The following BTBD7 variants were observed in gnomAD, a reference collection of about 807,000 sequenced individuals.
The protein encoded by BTBD7 is BTB domain containing 7.
In BTBD7, 38 loss-of-function variants were observed where a neutral mutation model predicts 99.9. The ratio of observed to expected loss-of-function variants is 0.38; its 90% CI spans 0.29 to 0.50. The LOEUF (loss-of-function observed/expected upper bound fraction) is 0.50. Among genes scored for constraint, BTBD7 ranks in the 20% least tolerant of loss-of-function variants. The probability of loss-of-function intolerance (pLI) is 0.93; values close to 1 mark genes in which losing one functional copy is unlikely to be tolerated. For missense variants in BTBD7, 1,170 were observed against 1,394.6 expected (o/e 0.84, Z 2.57); for synonymous variants, 520 against 511.4 (o/e 1.02, Z -0.23).
intron 1 of BTBD7, among the ~76,000 whole-genome samples, chr14:93,316,451 G>T (rs1351204458): frequency 1.3e-5 from 2 of 151,960 alleles, no homozygotes; most frequent in Non-Finnish European, 2.9e-5. Flanking sequence ...GTCTTGGTGT[G>T]TTATAAAGGT....
At chr14:93,331,513 C>T (rs2053408707) in intron 1 of BTBD7, among the ~76,000 whole-genome samples, 1 of 152,212 alleles carries the variant, frequency 6.6e-6, no homozygotes, top group Non-Finnish European at 1.5e-5. Flanking sequence ...TCAAGTCTTT[C>T]TTCCACATTT....
chr14:93,290,406 G>T (rs2052835130), intron 3 of BTBD7, among the ~76,000 whole-genome samples: 1 of 150,336 alleles, frequency 6.7e-6, no homozygotes, highest in Non-Finnish European at 1.5e-5. Context: ...TAGAGACGGG[G>T]TTTCACCCTG....
chr14:93,304,828 T>A (rs1223171067), intron 1 of BTBD7, among the ~76,000 whole-genome samples: 1 of 152,202 alleles, frequency 6.6e-6, no homozygotes, highest in East Asian at 1.9e-4. Flanking sequence ...AGGGTATACT[T>A]CTTATTGATA....
chr14:93,263,876 C>A lies in BTBD7; in HGVS notation c.1280G>T (p.Cys427Phe). 1.2e-6 allele frequency: 2 copies of A among 1,614,106 alleles called. No homozygotes were observed. The highest frequency in any genetic ancestry group is 1.7e-6 in the Non-Finnish European group (2 of 1,179,986). The change falls in exon 4 of 11, where the codon TGT (cysteine) becomes TTT (phenylalanine). Residue 427 changes from cysteine to phenylalanine, a missense_variant. Coordinates refer to ENST00000334746, the MANE Select transcript of BTBD7 (RefSeq NM_001002860.4). Reference protein sequence around the residue: ...WVHRQALHFLCEEFSQVMTSD... With the variant: ...WVHRQALHFLFEEFSQVMTSD... ...AGTCATGACCTGGGAAAATTCCTCACAGAGGAAATGTAAAGCTTGTCGGTG... is the reference window on the plus strand; with the variant it reads ...AGTCATGACCTGGGAAAATTCCTCAAAGAGGAAATGTAAAGCTTGTCGGTG...
chr14:93,326,511 A>C (rs955008586), intron 1 of BTBD7, among the ~76,000 whole-genome samples: 1 of 151,848 alleles, frequency 6.6e-6, no homozygotes, highest in Non-Finnish European at 1.5e-5. Context: ...TCACCCAAAA[A>C]GAAAACTGGG....
rs1351395253 is a variant in BTBD7 at position 93,242,138 on chromosome 14, A to G, written c.*135T>C. On this transcript the variant is annotated 3_prime_UTR_variant, in exon 11 of 11. Coordinates refer to ENST00000334746, the MANE Select transcript of BTBD7 (RefSeq NM_001002860.4). ...CATGCCATGTCTAATAAACACATAT[A>G]TACACAAAAACTAGAACAAAATCAT... is the stretch of plus-strand genomic sequence containing the variant. The G allele has an allele frequency of 5.1e-6, 4 of 779,856 alleles. No homozygotes were observed. The highest frequency in any genetic ancestry group is 6.1e-6 in the Non-Finnish European group (3 of 491,174). The allele number at this position is 779,856 out of a possible 1,614,324, so 48.3% of individuals were successfully genotyped here. A position where few individuals can be genotyped will look rare whatever the true frequency, so the allele number is the denominator to read the frequency against.
chr14:93,286,456 C>T (rs1434333340), intron 3 of BTBD7, among the ~76,000 whole-genome samples: 2 of 152,168 alleles, frequency 1.3e-5, no homozygotes, highest in African/African-American at 2.4e-5. Context: ...TTTAAACCTC[C>T]TAGCTGAGCC....
At chr14:93,321,454 G>T (rs564180070) in intron 1 of BTBD7, among the ~76,000 whole-genome samples, 1 of 152,142 alleles carries the variant, frequency 6.6e-6, no homozygotes, top group Admixed American at 6.6e-5. Context: ...TTAGCTGGAC[G>T]TGGTGGTGCG....
Position 93,296,101 on chromosome 14 carries a change from C to G in BTBD7, c.-50G>C, listed in dbSNP as rs1369422569. On this transcript the variant is annotated 5_prime_UTR_variant, in exon 2 of 11. Coordinates refer to ENST00000334746, the MANE Select transcript of BTBD7 (RefSeq NM_001002860.4). ...GTCTGCGGGTTCTTCAGAGTATAAT[C>G]CCAGAGGCCTTTATGAACCTTCAAC... is the stretch of plus-strand genomic sequence containing the variant. 1 of 1,590,834 alleles carries G rather than the reference C, an allele frequency of 6.3e-7. No homozygotes were observed. The highest frequency in any genetic ancestry group is 2.3e-5 in the East Asian group (1 of 44,184).
At chr14:93,270,060 A>C (rs941302398) in intron 3 of BTBD7, among the ~76,000 whole-genome samples, 4 of 152,208 alleles carry the variant, frequency 2.6e-5, no homozygotes, top group Non-Finnish European at 4.4e-5. Context: ...ACGGTTGACT[A>C]ATAAACCAGT....
chr14:93,256,782 A>T (rs769200227), intron 6 of BTBD7: 10 of 157,756 alleles, frequency 6.3e-5, no homozygotes, highest in Non-Finnish European at 1.4e-4. Flanking sequence ...GATGAGCTCT[A>T]TTAATTTTCA....
At chr14:93,320,202 G>C (rs2053254290) in intron 1 of BTBD7, among the ~76,000 whole-genome samples, 1 of 152,196 alleles carries the variant, frequency 6.6e-6, no homozygotes, top group African/African-American at 2.4e-5. Context: ...AAACAAATGA[G>C]TAAGTGGACA....
At chr14:93,289,353 T>A (rs1238389908) in intron 3 of BTBD7, among the ~76,000 whole-genome samples, 1 of 152,258 alleles carries the variant, frequency 6.6e-6, no homozygotes, top group Non-Finnish European at 1.5e-5. Flanking sequence ...GTATTCAGAC[T>A]TAAAATCAAC....
At chr14:93,316,286 GAC>G (rs2053205998) in intron 1 of BTBD7, among the ~76,000 whole-genome samples, 1 of 149,122 alleles carries the variant, frequency 6.7e-6, no homozygotes, top group African/African-American at 2.5e-5. Context: ...AAAAAATAGA[GAC>G]AGTCTCACTC....
chr14:93,279,999 C>A (rs2052700927), intron 3 of BTBD7, among the ~76,000 whole-genome samples: 1 of 152,156 alleles, frequency 6.6e-6, no homozygotes, highest in East Asian at 1.9e-4. Context: ...ATGATCAGAT[C>A]TATAATACTG....
chr14:93,309,795 G>C (rs886817341), intron 1 of BTBD7, among the ~76,000 whole-genome samples: 2 of 152,070 alleles, frequency 1.3e-5, no homozygotes, highest in Non-Finnish European at 2.9e-5. Flanking sequence ...AAATGACTAA[G>C]CTTCTCTAAT....
Position 93,237,737 on chromosome 14 carries a change from T to G in BTBD7, c.*4536A>C, listed in dbSNP as rs781425896. On this transcript the variant is annotated 3_prime_UTR_variant, in exon 11 of 11. Transcript: ENST00000334746. ...GAATTCAAGTTTGGAGGTACCTAAA[T>G]AAAAATACTATATATTTCTTTAAAA... 6 of 152,648 alleles carry G rather than the reference T, an allele frequency of 3.9e-5. No individual in the cohort carries two copies. Among genetic ancestry groups the G allele is most frequent in the Non-Finnish European group, 5.9e-5 (4 of 68,032 alleles). The allele number at this position is 152,648 out of a possible 1,614,324, so 9.5% of individuals were successfully genotyped here.
intron 8 of BTBD7, 102 bp from the exon 9 acceptor site, chr14:93,248,756 A>T: frequency 9.3e-7 from 1 of 1,070,826 alleles, no homozygotes; most frequent in Non-Finnish European, 1.3e-6. Context: ...CCAGAATCTT[A>T]TAAGTTTTTA....
chr14:93,239,319 T>C lies in BTBD7; in HGVS notation c.*2954A>G, dbSNP rs2052194223. On this transcript the variant is annotated 3_prime_UTR_variant, in exon 11 of 11. Coordinates refer to ENST00000334746, the MANE Select transcript of BTBD7 (RefSeq NM_001002860.4). ...CACAGCGGGCACTGGAAGCGGTGAT[T>C]GTCCAAAGGCCTGATTGTCCACGAT... 1 of 152,596 alleles carries C rather than the reference T, an allele frequency of 6.6e-6. No homozygotes were observed. Among genetic ancestry groups the C allele is most frequent in the Non-Finnish European group, 1.5e-5 (1 of 68,038 alleles). The allele number at this position is 152,596 out of a possible 1,614,324, so 9.5% of individuals were successfully genotyped here. A position where few individuals can be genotyped will look rare whatever the true frequency, so the allele number is the denominator to read the frequency against.
Sources: gnomAD v4.1 joint callset for allele counts (sites outside exome capture counted in the v4.1 genomes callset) on GRCh38, gnomAD v4.1.1 for gene constraint, MANE v1.5 for transcripts, NCBI Gene and HGNC (gene_info 2026-07-23, HGNC 2026-07-21) for gene names.